Variants in PLXNA2 observed in about 807,000 individuals in gnomAD.
The protein encoded by PLXNA2 is plexin A2.
In PLXNA2, 91 loss-of-function variants were observed where a neutral mutation model predicts 193.5. The ratio of observed to expected loss-of-function variants is 0.47; its 90% CI spans 0.40 to 0.56. The LOEUF (loss-of-function observed/expected upper bound fraction) is 0.56. Ranked by LOEUF, PLXNA2 falls within the 20% of genes least tolerant of loss-of-function variation. PLXNA2 has a pLI of 0.00. For missense variants in PLXNA2, 1,995 were observed against 2,503.2 expected (o/e 0.80, Z 4.33); for synonymous variants, 997 against 1,027.3 (o/e 0.97, Z 0.56).
intron 5 of PLXNA2, among the ~76,000 whole-genome samples, chr1:208,099,973 G>A (rs1667040393): frequency 6.6e-6 from 1 of 152,006 alleles, no homozygotes; most frequent in Admixed American, 6.6e-5. Context: ...ATGAACTTTG[G>A]GGCCAAAGAG....
chr1:208,076,130 T>A (rs1666140354), intron 12 of PLXNA2, among the ~76,000 whole-genome samples: 2 of 151,416 alleles, frequency 1.3e-5, no homozygotes, highest in African/African-American at 4.9e-5. Flanking sequence ...TGCAATGGCA[T>A]GATCATAGTT....
chr1:208,183,613 G>C (rs1257921138), intron 3 of PLXNA2, among the ~76,000 whole-genome samples: 9 of 143,532 alleles, frequency 6.3e-5, no homozygotes, highest in African/African-American at 1.8e-4. Context: ...GGAGAGGGGG[G>C]GGTCTTTGGG....
chr1:208,045,092 T>C lies in PLXNA2; in HGVS notation c.3614A>G (p.Asn1205Ser), dbSNP rs1350018389. The C allele has an allele frequency of 5.0e-6, 8 of 1,613,568 alleles. No individual in the cohort carries two copies. The African/African-American group carries it at 5.4e-5, about 11-fold the overall frequency. The change falls in exon 19 of 32, where the codon AAC becomes AGC. Residue 1205 changes from asparagine (N) to serine (S), a missense_variant. By Grantham distance (46) the Asn-to-Ser change is conservative. Coordinates refer to ENST00000367033, the MANE Select transcript of PLXNA2 (RefSeq NM_025179.4). ...SETQLLCEPP[N>S]LTGQHKVMVH... is the part of the protein sequence containing the mutation. ...CATGACCTTGTGCTGCCCGGTGAGG[T>C]TGGGAGGCTCGCAGAGAAGCTGGGT...
At chr1:208,104,141 C>T (rs997868960) in intron 4 of PLXNA2, among the ~76,000 whole-genome samples, 16 of 152,164 alleles carry the variant, frequency 1.1e-4, no homozygotes, top group African/African-American at 3.9e-4. Context: ...GGAATGGGTT[C>T]TTATTTGTTA....
At chr1:208,210,685 C>T (rs1055159120) in intron 2 of PLXNA2, among the ~76,000 whole-genome samples, 1 of 152,172 alleles carries the variant, frequency 6.6e-6, no homozygotes, top group Non-Finnish European at 1.5e-5. Flanking sequence ...CAGGCAGCAA[C>T]CTTCCACTCA....
At chr1:208,131,199 G>T (rs901124455) in intron 4 of PLXNA2, among the ~76,000 whole-genome samples, 1 of 152,146 alleles carries the variant, frequency 6.6e-6, no homozygotes, top group Admixed American at 6.5e-5. Context: ...GTCTCCAGGG[G>T]TTCACTGACT....
chr1:208,112,725 C>G (rs1214735682), intron 4 of PLXNA2, among the ~76,000 whole-genome samples: 1 of 152,138 alleles, frequency 6.6e-6, no homozygotes, highest in African/African-American at 2.4e-5. Context: ...AAGAGCCATC[C>G]AGCCCCTGTA....
At chr1:208,031,982 G>T (rs750039039) in intron 28 of PLXNA2, 7 of 985,082 alleles carry the variant, frequency 7.1e-6, no homozygotes, top group Non-Finnish European at 8.4e-6. Flanking sequence ...CCTCCAACCT[G>T]CAGCCACATT....
At chr1:208,166,139 A>G (rs1669299311) in intron 3 of PLXNA2, among the ~76,000 whole-genome samples, 1 of 152,264 alleles carries the variant, frequency 6.6e-6, no homozygotes. Context: ...CAACACAGAA[A>G]GGAATCAACC....
At chr1:208,066,269 C>T (rs1665792977) in intron 12 of PLXNA2, among the ~76,000 whole-genome samples, 1 of 152,176 alleles carries the variant, frequency 6.6e-6, no homozygotes, top group Admixed American at 6.5e-5. Flanking sequence ...TAGAAGCAGC[C>T]TGCTGCTGTT....
intron 3 of PLXNA2, among the ~76,000 whole-genome samples, chr1:208,183,278 G>A (rs1430762398): frequency 6.6e-6 from 1 of 152,174 alleles, no homozygotes; most frequent in Non-Finnish European, 1.5e-5. Context: ...CCGGAGGGAG[G>A]GCAGTGAGAG....
intron 3 of PLXNA2, among the ~76,000 whole-genome samples, chr1:208,161,133 G>A (rs1028865298): frequency 2.0e-5 from 3 of 152,170 alleles, no homozygotes; most frequent in Admixed American, 1.3e-4. Flanking sequence ...GCCTTATCAG[G>A]GTTGATTAGT....
chr1:208,242,601 T>C (rs1672095267), intron 1 of PLXNA2, among the ~76,000 whole-genome samples: 1 of 152,202 alleles, frequency 6.6e-6, no homozygotes, highest in African/African-American at 2.4e-5. Flanking sequence ...GCCCACTTCA[T>C]GGGGCTCTCA....
intron 4 of PLXNA2, among the ~76,000 whole-genome samples, chr1:208,131,348 A>G (rs1571951044): frequency 6.6e-6 from 1 of 152,218 alleles, no homozygotes; most frequent in Middle Eastern, 3.2e-3. Flanking sequence ...TGATGTTGCC[A>G]TCTTTCGTGT....
intron 13 of PLXNA2, among the ~76,000 whole-genome samples, chr1:208,060,394 T>TAGG (rs1337549588): frequency 6.6e-6 from 1 of 151,906 alleles, no homozygotes; most frequent in Non-Finnish European, 1.5e-5. Flanking sequence ...GGGGGAGACC[T>TAGG]AGGAGGAAAT....
At chr1:208,053,848 G>T (rs1665342276) in intron 14 of PLXNA2, among the ~76,000 whole-genome samples, 1 of 152,180 alleles carries the variant, frequency 6.6e-6, no homozygotes, top group Admixed American at 6.5e-5. Context: ...CGCATAAAGA[G>T]ATGTTTTCAG....
At chr1:208,184,771 C>T (rs1392338928) in intron 3 of PLXNA2, among the ~76,000 whole-genome samples, 4 of 152,178 alleles carry the variant, frequency 2.6e-5, no homozygotes, top group Non-Finnish European at 4.4e-5. Context: ...ACACACGCCT[C>T]ATGCAGTTCC....
chr1:208,197,937 T>C (rs780848875), intron 3 of PLXNA2, among the ~76,000 whole-genome samples: 39 of 152,156 alleles, frequency 2.6e-4, no homozygotes, highest in Admixed American at 3.9e-4. Flanking sequence ...ATATAGAATG[T>C]ATAATTTTCA....
intron 13 of PLXNA2, among the ~76,000 whole-genome samples, chr1:208,057,679 A>G (rs776704116): frequency 1.3e-5 from 2 of 152,008 alleles, no homozygotes; most frequent in African/African-American, 4.8e-5. Flanking sequence ...TGGGGTCCCT[A>G]TGTATTGTTA....
Sources: gnomAD v4.1 joint callset for allele counts (sites outside exome capture counted in the v4.1 genomes callset) on GRCh38, gnomAD v4.1.1 for gene constraint, MANE v1.5 for transcripts, NCBI Gene and HGNC (gene_info 2026-07-23, HGNC 2026-07-21) for gene names.